TMEM74: variants seen among roughly 807,000 people sequenced by gnomAD.
TMEM74 encodes transmembrane protein 74.
A neutral mutation model predicts 18.1 loss-of-function variants in TMEM74; 13 were observed. The observed-to-expected ratio is 0.72, with a 90% confidence interval of 0.47 to 1.14. TMEM74 has a LOEUF of 1.14. Ranked by LOEUF, TMEM74 falls within the 50% of genes most tolerant of loss-of-function variation. The pLI is 0.00. For missense variants in TMEM74, 372 were observed against 375.9 expected, an observed-to-expected ratio of 0.99 and a Z score of 0.09; for synonymous variants, 159 against 146.6, an observed-to-expected ratio of 1.08 and a Z score of -0.61.
intron 2 of TMEM74, among the ~76,000 whole-genome samples, chr8:108,640,572 T>C (rs865892514): frequency 6.6e-6 from 1 of 152,126 alleles, no homozygotes; most frequent in African/African-American, 2.4e-5. Context: ...TCAAAATTGA[T>C]CTGTGGAAGA....
At chr8:108,636,930 C>T (rs553011854) in intron 2 of TMEM74, among the ~76,000 whole-genome samples, 2 of 152,158 alleles carry the variant, frequency 1.3e-5, no homozygotes, top group African/African-American at 2.4e-5. Flanking sequence ...TATGTGTTGA[C>T]CATGATCGGT....
intron 1 of TMEM74, among the ~76,000 whole-genome samples, chr8:108,688,130 C>G (rs1813190094): frequency 6.6e-6 from 1 of 152,150 alleles, no homozygotes; most frequent in African/African-American, 2.4e-5. Flanking sequence ...TTTAGCAAAA[C>G]TTAAAGAGAT....
intron 1 of TMEM74, among the ~76,000 whole-genome samples, chr8:108,693,027 A>G (rs1813246242): frequency 6.6e-6 from 1 of 152,164 alleles, no homozygotes; most frequent in Admixed American, 6.5e-5. Flanking sequence ...CTAGGAAGTT[A>G]CCAAATAATT....
At chr8:108,756,679 AGAAAGAAAGAAAGAAAGAAG>A (rs1488288917) in intron 1 of TMEM74, among the ~76,000 whole-genome samples, 8 of 108,832 alleles carry the variant, frequency 7.4e-5, no homozygotes, top group African/African-American at 2.9e-4. Flanking sequence ...AAAGAAAGAA[AGAAAGAAAGAAAGAAAGAAG>A]GAAGGAAAGA....
rs187461952 is a variant in TMEM74, at chr8:108,689,197, T to C, written n.120-33760A>G. On this transcript the variant is annotated intron_variant and non_coding_transcript_variant, in intron 1 of 3. Transcript: ENST00000518838. ...TGGAAAAAATTAAACTTCTGTGTTC[T>C]AATCCCCCAGTCACATGAAGACTAG... 1.2e-4 allele frequency among the ~76,000 whole-genome samples: 18 copies of C among 152,370 alleles called. No individual in the cohort carries two copies. The East Asian group carries it at 3.5e-3, about 29-fold the overall frequency.
intron 2 of TMEM74, among the ~76,000 whole-genome samples, chr8:108,654,100 TTTTGA>T (rs1812799355): frequency 6.6e-6 from 1 of 152,162 alleles, no homozygotes; most frequent in African/African-American, 2.4e-5. Context: ...GACAGCATAC[TTTTGA>T]TTTTATTTAT....
intron 1 of TMEM74, among the ~76,000 whole-genome samples, chr8:108,664,258 C>G (rs994278144): frequency 3.9e-5 from 6 of 152,140 alleles, no homozygotes; most frequent in African/African-American, 1.2e-4. Context: ...TATCCATGAA[C>G]ATGGAATATT....
rs1474798751 is a variant in TMEM74, at chr8:108,727,953, T to G, written n.119+59523A>C. Among the ~76,000 whole-genome samples the G allele has an allele frequency of 3.3e-5, 5 of 152,178 alleles. No individual in the cohort carries two copies. In the East Asian group the frequency reaches 9.6e-4, roughly 29 times the overall value. On this transcript the variant is annotated intron_variant and non_coding_transcript_variant, in intron 1 of 3. Coordinates refer to the TMEM74 transcript ENST00000518838. ...AGATGGGAGTGACAACTATGTCACA[T>G]GCTCCTGACAGGTCAAGTAAGGTGA...
In TMEM74 at chr8:108,767,336, AG is replaced by A. The variant is rs975368549; in HGVS notation, n.119+20139del. Reference sequence around the variant, plus strand: ...ACATGTTCACTATCCAATCCTCAAAAGATTTCTGGCCCCATTCCTTTAATTA... The same window carrying A: ...ACATGTTCACTATCCAATCCTCAAAAATTTCTGGCCCCATTCCTTTAATTA... On this transcript the variant is annotated intron_variant and non_coding_transcript_variant, in intron 1 of 3. Coordinates refer to the TMEM74 transcript ENST00000518838. Among the ~76,000 whole-genome samples the A allele has an allele frequency of 8.5e-5, 13 of 152,336 alleles. 1 individual carries two copies. Among genetic ancestry groups the A allele is most frequent in the Middle Eastern group, 3.4e-3 (1 of 294 alleles).
intron 1 of TMEM74, among the ~76,000 whole-genome samples, chr8:108,660,952 G>A (rs1812894232): frequency 6.6e-6 from 1 of 152,024 alleles, no homozygotes; most frequent in Admixed American, 6.6e-5. Flanking sequence ...AACTAAATAA[G>A]GGAGGTTAGG....
At chr8:108,750,901 C>T (rs576698649) in intron 1 of TMEM74, among the ~76,000 whole-genome samples, 1 of 152,230 alleles carries the variant, frequency 6.6e-6, no homozygotes, top group African/African-American at 2.4e-5. Flanking sequence ...TTCCATTTGT[C>T]TCTTTCCTGT....
chr8:108,696,445 T>C (rs1813282413), intron 1 of TMEM74, among the ~76,000 whole-genome samples: 1 of 152,236 alleles, frequency 6.6e-6, no homozygotes, highest in Non-Finnish European at 1.5e-5. Flanking sequence ...TTGAAACTCA[T>C]TAGCAAATTA....
At chr8:108,727,141 A>G (rs553241232) in intron 1 of TMEM74, among the ~76,000 whole-genome samples, 29 of 152,242 alleles carry the variant, frequency 1.9e-4, no homozygotes, top group African/African-American at 6.3e-4. Flanking sequence ...AGGAGAGAGG[A>G]TATTTTATGA....
At chr8:108,753,370 G>T (rs539070648) in intron 1 of TMEM74, among the ~76,000 whole-genome samples, 107 of 152,066 alleles carry the variant, frequency 7.0e-4, no homozygotes, top group Non-Finnish European at 1.3e-3. Flanking sequence ...ATGCCTGGAT[G>T]TCTAAGAATA....
intron 1 of TMEM74, among the ~76,000 whole-genome samples, chr8:108,703,199 T>G (rs911179684): frequency 6.6e-6 from 1 of 152,176 alleles, no homozygotes; most frequent in Non-Finnish European, 1.5e-5. Flanking sequence ...AGGAAGTTCA[T>G]ATAGGATTTA....
rs184921916 is a variant in TMEM74, at chr8:108,681,842, A to G, written n.120-26405T>C. Among the ~76,000 whole-genome samples, 214 of 152,334 alleles carry G rather than the reference A, an allele frequency of 1.4e-3. 1 individual carries two copies. Among genetic ancestry groups the G allele is most frequent in the Middle Eastern group, 6.8e-3 (2 of 294 alleles). ...TGTATGTTGTGTGTATTTTATTAAA[A>G]TAAAAAAGTCATCACCTAGTCATGT... On this transcript the variant is annotated intron_variant and non_coding_transcript_variant, in intron 1 of 3. Coordinates refer to the TMEM74 transcript ENST00000518838.
intron 2 of TMEM74, among the ~76,000 whole-genome samples, chr8:108,637,601 T>C (rs972463977): frequency 6.6e-6 from 1 of 152,100 alleles, no homozygotes; most frequent in African/African-American, 2.4e-5. Context: ...TGTTGCTGGC[T>C]TTGAAAAGAA....
rs142448327 is a variant in TMEM74, at chr8:108,677,282, C to G, written n.120-21845G>C. On this transcript the variant is annotated intron_variant and non_coding_transcript_variant, in intron 1 of 3. Coordinates refer to the TMEM74 transcript ENST00000518838. ...GTTACAAATAATTAGTTACTTAAAT[C>G]TAGATTTTTGTAAAATTGTAATTAA... is the stretch of plus-strand genomic sequence containing the variant. Among the ~76,000 whole-genome samples the G allele has an allele frequency of 4.0e-3, 611 of 152,102 alleles. 4 individuals carry two copies. Among genetic ancestry groups the G allele is most frequent in the African/African-American group, 0.014 (590 of 41,510 alleles).
intron 2 of TMEM74, chr8:108,652,770 A>G (rs1299615150): frequency 1.9e-6 from 1 of 532,668 alleles, no homozygotes; most frequent in East Asian, 3.8e-5. Context: ...AAGGCTGTGT[A>G]TCAATTTGAG....
Sources: allele counts gnomAD v4.1 joint callset (sites outside exome capture counted in the v4.1 genomes callset), GRCh38; gene constraint gnomAD v4.1.1; transcripts MANE v1.5; gene names NCBI Gene and HGNC (gene_info 2026-07-23, HGNC 2026-07-21).